The following CDIN1 variants were observed in gnomAD, a reference collection of about 807,000 sequenced individuals.
CDIN1 encodes CDAN1 interacting nuclease 1.
A neutral mutation model predicts 45.3 loss-of-function variants in CDIN1; 33 were observed. The observed-to-expected ratio is 0.73, with a 90% CI of 0.55 to 0.97. The LOEUF (loss-of-function observed/expected upper bound fraction) is 0.97, where lower values mean the gene tolerates loss of function less well. Among genes scored for constraint, CDIN1 ranks in the 50% least tolerant of loss-of-function variants. CDIN1 has a pLI of 0.00. For missense variants in CDIN1, 303 were observed against 339.4 expected (o/e 0.89, Z 0.84); for synonymous variants, 118 against 124.4 (o/e 0.95, Z 0.34).
chr15:36,615,259 C>T (rs1380921055), intron 1 of CDIN1, among the ~76,000 whole-genome samples: 1 of 152,148 alleles, frequency 6.6e-6, no homozygotes, highest in Non-Finnish European at 1.5e-5. Context: ...GTTTGTTGAT[C>T]TTTTAAAGTT....
chr15:36,687,369 G>A (rs2140674977), intron 5 of CDIN1, among the ~76,000 whole-genome samples: 1 of 152,112 alleles, frequency 6.6e-6, no homozygotes, highest in South Asian at 2.1e-4. Context: ...GGGGAAATTA[G>A]TACAATAAAA....
At chr15:36,776,512 T>C (rs546493010) in intron 10 of CDIN1, among the ~76,000 whole-genome samples, 12 of 152,178 alleles carry the variant, frequency 7.9e-5, no homozygotes, top group Non-Finnish European at 1.8e-4. Context: ...CCAAGTCACA[T>C]AGAGCTAAAA....
At chr15:36,804,692 T>TTTTTTTTTC (rs1026528902) in intron 10 of CDIN1, 5 of 145,698 alleles carry the variant, frequency 3.4e-5, no homozygotes, top group African/African-American at 1.0e-4. Flanking sequence ...TTTTTTTTTT[T>TTTTTTTTTC]TTCAGAGTCT....
intron 10 of CDIN1, among the ~76,000 whole-genome samples, chr15:36,767,912 T>A (rs1459316548): frequency 6.6e-6 from 1 of 152,182 alleles, no homozygotes; most frequent in African/African-American, 2.4e-5. Flanking sequence ...GTAGTCATTA[T>A]TAGGAATTTG....
chr15:36,691,069 T>C (rs1566903774), intron 5 of CDIN1: 8 of 491,376 alleles, frequency 1.6e-5, no homozygotes, highest in Non-Finnish European at 1.2e-5. Flanking sequence ...TCTCTCTCTG[T>C]ATATATTTTC....
At chr15:36,651,458 T>C (rs1410216005) in intron 3 of CDIN1, among the ~76,000 whole-genome samples, 1 of 152,230 alleles carries the variant, frequency 6.6e-6, no homozygotes, top group Non-Finnish European at 1.5e-5. Flanking sequence ...TGATTACATA[T>C]CTGAAAATTT....
At chr15:36,592,271 G>A (rs767590730) in intron 1 of CDIN1, among the ~76,000 whole-genome samples, 2 of 152,184 alleles carry the variant, frequency 1.3e-5, no homozygotes, top group African/African-American at 2.4e-5. Context: ...ATCTTTTCCA[G>A]ACTCTACAAA....
chr15:36,757,662 G>A (rs1383196170), intron 10 of CDIN1, among the ~76,000 whole-genome samples: 2 of 151,946 alleles, frequency 1.3e-5, no homozygotes, highest in Non-Finnish European at 2.9e-5. Flanking sequence ...TACACTACCC[G>A]CCTGTTAGCA....
In CDIN1 at chr15:36,643,631, G is replaced by A. The variant is rs148372850; in HGVS notation, c.102-647G>A. ...CCCACTTGGGAAGAACATTTTTCAG[G>A]TTGCTTCATTGCCAGGTGTTTGACA... On this transcript the variant is annotated intron_variant, in intron 1 of 10. Transcript: ENST00000566621. 2.6e-5 allele frequency among the ~76,000 whole-genome samples: 4 copies of A among 152,294 alleles called. No individual in the cohort carries two copies. The East Asian group carries it at 7.7e-4, about 29-fold the overall frequency.
chr15:36,619,312 A>T, intron 1 of CDIN1: 1 of 770,428 alleles, frequency 1.3e-6, no homozygotes, highest in South Asian at 4.4e-5. Flanking sequence ...CTTCCCGTTA[A>T]ACTTGAGCTG....
At chr15:36,621,704 CAGAGAATAAACAT>C (rs1387753039) in intron 1 of CDIN1, among the ~76,000 whole-genome samples, 4 of 152,050 alleles carry the variant, frequency 2.6e-5, no homozygotes, top group African/African-American at 9.7e-5. Flanking sequence ...CATTGGATTT[CAGAGAATAAACAT>C]TCTGTAAAAA....
chr15:36,796,374 G>C (rs1183887223), intron 10 of CDIN1, among the ~76,000 whole-genome samples: 3 of 152,208 alleles, frequency 2.0e-5, no homozygotes, highest in Non-Finnish European at 4.4e-5. Context: ...GTCAGTCATG[G>C]ATTAGCTGCA....
chr15:36,657,933 C>T, intron 5 of CDIN1, 28 bp downstream of exon 5: 1 of 1,543,744 alleles, frequency 6.5e-7, no homozygotes, highest in Non-Finnish European at 8.9e-7. Context: ...CCTAATGGTA[C>T]TCTTTTACTC....
chr15:36,665,362 G>GC (rs1425504899), intron 5 of CDIN1, among the ~76,000 whole-genome samples: 2 of 152,166 alleles, frequency 1.3e-5, no homozygotes, highest in African/African-American at 4.8e-5. Flanking sequence ...TGTGGGTACA[G>GC]CAGAGGATGG....
At chr15:36,589,804 A>G (rs552009405) in intron 1 of CDIN1, among the ~76,000 whole-genome samples, 2 of 152,104 alleles carry the variant, frequency 1.3e-5, no homozygotes, top group African/African-American at 4.8e-5. Context: ...GCTCCCGGCC[A>G]ACAGTTCTCC....
intron 10 of CDIN1, among the ~76,000 whole-genome samples, chr15:36,746,279 TAGTAG>T (rs1270510567): frequency 1.7e-4 from 26 of 152,022 alleles, no homozygotes; most frequent in Non-Finnish European, 8.8e-5. Context: ...GGAGTGGAAA[TAGTAG>T]AGAGAAAGAG....
intron 10 of CDIN1, among the ~76,000 whole-genome samples, chr15:36,746,442 G>A (rs8029540): frequency 0.056 from 8,487 of 152,116 alleles, 802 homozygotes; most frequent in African/African-American, 0.19. Flanking sequence ...GGAAAGAAAG[G>A]TATTTATGAT....
intron 5 of CDIN1, among the ~76,000 whole-genome samples, chr15:36,659,734 G>T (rs1406620069): frequency 1.3e-5 from 2 of 151,474 alleles, no homozygotes; most frequent in African/African-American, 4.8e-5. Flanking sequence ...TTGCCAGTAG[G>T]CTGACTGCCA....
chr15:36,756,794 A>G (rs2053620275), intron 10 of CDIN1, among the ~76,000 whole-genome samples: 2 of 152,168 alleles, frequency 1.3e-5, no homozygotes, highest in Admixed American at 6.5e-5. Context: ...CTTTCTGACA[A>G]ATGATGACAA....
Sources: gnomAD v4.1 joint callset for allele counts (sites outside exome capture counted in the v4.1 genomes callset) on GRCh38, gnomAD v4.1.1 for gene constraint, MANE v1.5 for transcripts, NCBI Gene and HGNC (gene_info 2026-07-23, HGNC 2026-07-21) for gene names.